ADGRD1: variants seen among roughly 807,000 people sequenced by gnomAD.
ADGRD1 encodes G-protein coupled receptor 133.
A neutral mutation model predicts 113.4 loss-of-function variants in ADGRD1; 77 were observed. That is an observed-to-expected ratio of 0.68 (90% CI 0.57 to 0.82). ADGRD1 has a LOEUF of 0.82. Ranked by LOEUF, ADGRD1 falls within the 40% of genes least tolerant of loss-of-function variation. ADGRD1 has a pLI of 0.00. For synonymous variants in ADGRD1, 474 were observed against 475.0 expected (o/e 1.00, Z 0.03); for missense variants, 1,036 against 1,139.1 (o/e 0.91, Z 1.30).
intron 6 of ADGRD1, chr12:130,989,376 G>A (rs998851664): frequency 3.9e-5 from 6 of 152,214 alleles, no homozygotes; most frequent in Admixed American, 1.3e-4. Flanking sequence ...AACCAGAACT[G>A]GATCGACCAG....
chr12:131,120,246 G>A (rs1281015684), intron 19 of ADGRD1, among the ~76,000 whole-genome samples: 1 of 152,130 alleles, frequency 6.6e-6, no homozygotes, highest in Non-Finnish European at 1.5e-5. Flanking sequence ...GGGACTCTTC[G>A]GCTCTTGACA....
intron 18 of ADGRD1, among the ~76,000 whole-genome samples, chr12:131,112,750 A>G (rs1672094409): frequency 6.6e-6 from 1 of 152,216 alleles, no homozygotes; most frequent in Admixed American, 6.5e-5. Context: ...TTGTGGAGTG[A>G]CATGTCTGCC....
At chr12:131,011,623 C>T (rs763742341) in intron 12 of ADGRD1, among the ~76,000 whole-genome samples, 47 of 152,170 alleles carry the variant, frequency 3.1e-4, no homozygotes, top group Non-Finnish European at 6.3e-4. Flanking sequence ...GTTGCACCAT[C>T]AGGAAATGTC....
At chr12:131,117,252 C>T (rs1950489293) in intron 18 of ADGRD1, among the ~76,000 whole-genome samples, 1 of 152,170 alleles carries the variant, frequency 6.6e-6, no homozygotes, top group African/African-American at 2.4e-5. Context: ...TCTCACTTGG[C>T]TTTGTCAAAT....
At chr12:130,969,957 C>T (rs1289353249) in intron 3 of ADGRD1, 2 of 152,054 alleles carry the variant, frequency 1.3e-5, no homozygotes, top group African/African-American at 2.4e-5. Flanking sequence ...AAAAGCATGC[C>T]ATTTTAATGG....
chr12:131,036,278 TCTCA>T (rs1218819934), intron 13 of ADGRD1, among the ~76,000 whole-genome samples: 7 of 150,136 alleles, frequency 4.7e-5, no homozygotes, highest in Non-Finnish European at 1.5e-5. Context: ...CTGCACTGGG[TCTCA>T]CTCACTGCAC....
chr12:131,043,728 G>GGGCT (rs1882380832), intron 13 of ADGRD1, among the ~76,000 whole-genome samples: 1 of 152,242 alleles, frequency 6.6e-6, no homozygotes, highest in East Asian at 1.9e-4. Flanking sequence ...TGCACCCGCA[G>GGGCT]GGCTGGGGAA....
intron 13 of ADGRD1, among the ~76,000 whole-genome samples, chr12:131,018,161 A>G (rs1363430804): frequency 6.6e-6 from 1 of 152,070 alleles, no homozygotes; most frequent in South Asian, 2.1e-4. Context: ...TGCCTCACCC[A>G]GGGGCCTCAC....
At chr12:131,123,085 T>G (rs1406975679) in intron 20 of ADGRD1, among the ~76,000 whole-genome samples, 5 of 136,416 alleles carry the variant, frequency 3.7e-5, no homozygotes, top group Non-Finnish European at 7.8e-5. Flanking sequence ...CGACAGAGTC[T>G]TCGCTCTGTC....
chr12:131,070,558 C>T (rs1475860627), intron 13 of ADGRD1: 5 of 214,098 alleles, frequency 2.3e-5, no homozygotes, highest in African/African-American at 6.9e-5. Flanking sequence ...CGGTCTGAGA[C>T]GCGCTTTAGA....
At chr12:130,962,125 C>A (rs1459113777) in intron 2 of ADGRD1, 3 of 152,328 alleles carry the variant, frequency 2.0e-5, no homozygotes, top group South Asian at 2.1e-4. Context: ...CCGTCCCCTG[C>A]GGGTGTCACA....
intron 13 of ADGRD1, among the ~76,000 whole-genome samples, chr12:131,040,455 T>G (rs1192612798): frequency 6.6e-6 from 1 of 152,210 alleles, no homozygotes; most frequent in Non-Finnish European, 1.5e-5. Flanking sequence ...ATGTGTTTGG[T>G]ACACCCTTTT....
At position 131,136,122 on chromosome 12, in the gene ADGRD1, G is replaced by A. The variant is rs772164086; in HGVS notation, c.2353G>A (p.Val785Met). Residue 785 changes from valine (V) to methionine (M), a missense_variant, in exon 22 of 25, where the codon GTG (valine) becomes ATG (methionine). Transcript: ENST00000261654. ...CGTGCTTGCTGTCAACGGTTGTGCT[G>A]TGGTTTTCCAGTACATGTTTGCCAC... ...FGVLAVNGCA[V>M]VFQYMFATLN... is the part of the protein sequence containing the mutation. The A allele has an allele frequency of 1.9e-6, 3 of 1,614,096 alleles. No homozygotes were observed. Among genetic ancestry groups the A allele is most frequent in the African/African-American group, 2.7e-5 (2 of 74,948 alleles).
intron 13 of ADGRD1, among the ~76,000 whole-genome samples, chr12:131,033,274 GGGAA>G (rs1881006689): frequency 6.6e-6 from 1 of 152,160 alleles, no homozygotes; most frequent in African/African-American, 2.4e-5. Flanking sequence ...GGGGTGGGGT[GGGAA>G]GGAAGGACTT....
rs114587395 is a variant in ADGRD1 at position 131,071,591 on chromosome 12, T to G, written c.1474-5210T>G. ...GGACCTCTTTCCCAAGGATGGAACC[T>G]CTCCACACATACCATGGCCACAGTG... On this transcript the variant is annotated intron_variant, in intron 13 of 24. Transcript: ENST00000261654. Among the ~76,000 whole-genome samples the G allele has an allele frequency of 4.7e-3, 714 of 152,276 alleles. 13 individuals are homozygous for G. Among genetic ancestry groups the G allele is most frequent in the African/African-American group, 0.016 (673 of 41,546 alleles).
intron 8 of ADGRD1, chr12:130,993,956 T>TG (rs1237610839): frequency 6.1e-6 from 1 of 163,294 alleles, no homozygotes; most frequent in Non-Finnish European, 1.4e-5. Context: ...TCCCTCCTCG[T>TG]CAGGGGGAAA....
At chr12:131,124,588 G>T (rs1319013404) in intron 20 of ADGRD1, among the ~76,000 whole-genome samples, 2 of 151,998 alleles carry the variant, frequency 1.3e-5, no homozygotes, top group Admixed American at 1.3e-4. Context: ...TGGGCCTAGG[G>T]TTGAGGAGAA....
At chr12:131,044,299 C>T (rs1476666059) in intron 13 of ADGRD1, among the ~76,000 whole-genome samples, 1 of 152,202 alleles carries the variant, frequency 6.6e-6, no homozygotes, top group East Asian at 1.9e-4. Context: ...TGCACAAAAG[C>T]ATCGGGGCCG....
rs749988042 is a variant in ADGRD1, at chr12:131,003,635, G to A, written c.1144+333G>A. ...AAAGGGGTGGCCTCGGGTTTCTGGC[G>A]TCAGCTTGCTCTCAGCTGGGCTCCA... On this transcript the variant is annotated intron_variant, in intron 10 of 24. Coordinates refer to ENST00000261654, the MANE Select transcript of ADGRD1 (RefSeq NM_198827.5). The surrounding 1 kb of genome is among the most constrained non-coding windows in gnomAD (Gnocchi z 4.8). Among the ~76,000 whole-genome samples, 1 of 152,240 alleles carries A rather than the reference G, an allele frequency of 6.6e-6. No individual in the cohort carries two copies. Among genetic ancestry groups the A allele is most frequent in the Non-Finnish European group, 1.5e-5 (1 of 68,038 alleles).
Sources: allele counts gnomAD v4.1 joint callset (sites outside exome capture counted in the v4.1 genomes callset), GRCh38; gene constraint gnomAD v4.1.1; non-coding constraint Gnocchi (gnomAD v3.1); transcripts MANE v1.5; gene names NCBI Gene and HGNC (gene_info 2026-07-23, HGNC 2026-07-21).